The following B4GALT1 variants were observed in gnomAD, a reference collection of about 807,000 sequenced individuals.
The protein encoded by B4GALT1 is beta-1,4-galactosyltransferase 1.
In B4GALT1, 16 loss-of-function variants were observed where a neutral mutation model predicts 34.9. The observed-to-expected ratio is 0.46, with a 90% CI of 0.31 to 0.70. The LOEUF is 0.70. B4GALT1 is among the 30% of genes least tolerant of loss of function. B4GALT1 has a pLI of 0.05. For missense variants in B4GALT1, 445 were observed against 530.5 expected (o/e 0.84, Z 1.58); for synonymous variants, 221 against 218.1 (o/e 1.01, Z -0.12).
intron 2 of B4GALT1, 57 bp downstream of exon 2, chr9:33,135,132 C>A (rs1468091982): frequency 1.3e-6 from 2 of 1,516,350 alleles, no homozygotes; most frequent in East Asian, 2.3e-5. Context: ...ACACACACAT[C>A]TGATACACAT....
the B4GALT1 span, among the ~76,000 whole-genome samples, chr9:33,176,239 C>T: frequency 2.6e-5 from 4 of 152,242 alleles, no homozygotes; most frequent in Admixed American, 6.5e-5. Flanking sequence ...ACTGGGTACC[C>T]GGTGTGCTCT....
chr9:33,120,656 C>A, intron 2 of B4GALT1, 50 bp from the exon 3 acceptor site: 4 of 1,585,550 alleles, frequency 2.5e-6, no homozygotes, highest in South Asian at 1.1e-5. Context: ...AGCCTTTGGG[C>A]CAAACACTCA....
upstream of B4GALT1, among the ~76,000 whole-genome samples, chr9:33,172,021 A>G (rs988165594): frequency 2.0e-5 from 3 of 152,242 alleles, no homozygotes; most frequent in Non-Finnish European, 2.9e-5. Context: ...TCAGGTCCAA[A>G]GTATTGTCTA....
Position 33,113,886 on chromosome 9 carries a change from G to T in B4GALT1, c.960-8C>A. 2 of 1,613,424 alleles carry T rather than the reference G, an allele frequency of 1.2e-6. No homozygotes were observed. Among genetic ancestry groups the T allele is most frequent in the Non-Finnish European group, 1.7e-6 (2 of 1,179,322 alleles). On this transcript the variant is annotated splice_region_variant and splice_polypyrimidine_tract_variant and intron_variant, in intron 4 of 5. Coordinates refer to ENST00000379731, the MANE Select transcript of B4GALT1 (RefSeq NM_001497.4). ...ATGCCTCTAAAAACTAATCTGCAAA[G>T]AGTAAAGGGAAAGTCATTATCACAG...
chr9:33,137,553 CTCAG>C (rs1337875471), intron 1 of B4GALT1, among the ~76,000 whole-genome samples: 2 of 152,208 alleles, frequency 1.3e-5, no homozygotes, highest in African/African-American at 2.4e-5. Context: ...AAGACCAGGA[CTCAG>C]TCAGTGGTCA....
At chr9:33,156,543 C>T (rs554340153) in intron 1 of B4GALT1, among the ~76,000 whole-genome samples, 27 of 152,354 alleles carry the variant, frequency 1.8e-4, no homozygotes, top group African/African-American at 6.3e-4. Flanking sequence ...GATGCAGGCA[C>T]ATGGTGGATG....
chr9:33,129,756 A>G (rs1327116668), intron 2 of B4GALT1, among the ~76,000 whole-genome samples: 1 of 152,220 alleles, frequency 6.6e-6, no homozygotes, highest in Non-Finnish European at 1.5e-5. Flanking sequence ...GGGGCTCCAC[A>G]GAACTAATGA....
upstream of B4GALT1, among the ~76,000 whole-genome samples, chr9:33,168,893 C>T (rs10971434): frequency 2.0e-5 from 3 of 152,036 alleles, no homozygotes; most frequent in East Asian, 5.8e-4. Context: ...ACACCACTCC[C>T]GTTCTTACCT....
intron 1 of B4GALT1, among the ~76,000 whole-genome samples, chr9:33,146,395 C>A (rs10217770): frequency 0.48 from 72,659 of 151,720 alleles, 18,019 homozygotes; most frequent in East Asian, 0.71. Context: ...TTCAGCTTCT[C>A]AGAAAGGTTT....
intron 1 of B4GALT1, among the ~76,000 whole-genome samples, chr9:33,156,517 A>G (rs1237579668): frequency 6.6e-6 from 1 of 152,228 alleles, no homozygotes; most frequent in African/African-American, 2.4e-5. Context: ...TTCTGAATCT[A>G]CAAGAGTCTA....
the B4GALT1 span, among the ~76,000 whole-genome samples, chr9:33,175,898 A>C: frequency 1.3e-5 from 2 of 152,342 alleles, no homozygotes; most frequent in African/African-American, 4.8e-5. Flanking sequence ...GTCTAAACAA[A>C]TTATTTGTAC....
chr9:33,162,824 C>T (rs1486783372), intron 1 of B4GALT1, among the ~76,000 whole-genome samples: 1 of 152,174 alleles, frequency 6.6e-6, no homozygotes, highest in African/African-American at 2.4e-5. Flanking sequence ...TTACAGCAGC[C>T]AGGGATCACT....
At chr9:33,135,059 G>A in intron 2 of B4GALT1, 130 bp downstream of exon 2, 1 of 928,770 alleles carries the variant, frequency 1.1e-6, no homozygotes, top group Non-Finnish European at 1.7e-6. Flanking sequence ...GTGGCTGGGG[G>A]GCTGGTTCCT....
chr9:33,127,505 C>A (rs151107176), intron 2 of B4GALT1, among the ~76,000 whole-genome samples: 207 of 152,286 alleles, frequency 1.4e-3, no homozygotes, highest in African/African-American at 4.8e-3. Context: ...CATATCTGAA[C>A]CCATAATCCC....
At chr9:33,115,588 A>C (rs1368670905) in intron 4 of B4GALT1, among the ~76,000 whole-genome samples, 1 of 152,180 alleles carries the variant, frequency 6.6e-6, no homozygotes, top group African/African-American at 2.4e-5. Flanking sequence ...AATACTCCAA[A>C]ATAAAAATAT....
chr9:33,166,698 C>T (rs542139849), intron 1 of B4GALT1, 60 bp downstream of exon 1: 22 of 1,454,062 alleles, frequency 1.5e-5, no homozygotes, highest in Non-Finnish European at 6.3e-6. Context: ...TCTGGGGGAC[C>T]CTGTCGGGGA....
intron 2 of B4GALT1, among the ~76,000 whole-genome samples, chr9:33,129,052 G>A (rs372372497): frequency 6.6e-6 from 1 of 152,220 alleles, no homozygotes; most frequent in Non-Finnish European, 1.5e-5. Context: ...AGAGTCCTCA[G>A]GGCAGCCCTC....
At chr9:33,134,073 T>C (rs1840231599) in intron 2 of B4GALT1, among the ~76,000 whole-genome samples, 1 of 152,164 alleles carries the variant, frequency 6.6e-6, no homozygotes, top group South Asian at 2.1e-4. Context: ...CCTGGGAAGG[T>C]CCCACTTGCC....
chr9:33,176,981 C>T, the B4GALT1 span, among the ~76,000 whole-genome samples: 30 of 152,246 alleles, frequency 2.0e-4, no homozygotes, highest in Middle Eastern at 3.4e-3. Context: ...CCCCATTTTA[C>T]GGGGAAGGTC....
Sources: allele counts gnomAD v4.1 joint callset (sites outside exome capture counted in the v4.1 genomes callset), GRCh38; gene constraint gnomAD v4.1.1; transcripts MANE v1.5; gene names NCBI Gene and HGNC (gene_info 2026-07-23, HGNC 2026-07-21).